POMK: variants seen among roughly 807,000 people sequenced by gnomAD.
POMK encodes the protein protein O-mannose kinase.
POMK carries 19 observed loss-of-function variants against 23.0 expected under a neutral mutation model. The observed-to-expected ratio is 0.83, with a 90% confidence interval of 0.58 to 1.21. POMK has a LOEUF of 1.21. Ranked by LOEUF, POMK falls within the 50% of genes most tolerant of loss-of-function variation. The pLI is 0.00. For synonymous variants in POMK, 173 were observed against 171.6 expected (o/e 1.01, Z -0.06); for missense variants, 410 against 431.3 (o/e 0.95, Z 0.44).
chr8:43,101,122 G>T (rs893316226), intron 2 of POMK, among the ~76,000 whole-genome samples: 10 of 152,012 alleles, frequency 6.6e-5, no homozygotes, highest in African/African-American at 2.4e-4. Flanking sequence ...CCGTGGAGGG[G>T]ATAAAAATAA....
chr8:43,109,969 A>G (rs1473516446), intron 4 of POMK, among the ~76,000 whole-genome samples: 1 of 152,262 alleles, frequency 6.6e-6, no homozygotes, highest in Non-Finnish European at 1.5e-5. Flanking sequence ...GAAAAACTGC[A>G]TAACGTGACT....
intron 2 of POMK, among the ~76,000 whole-genome samples, chr8:43,101,937 A>G (rs1811452842): frequency 6.6e-6 from 1 of 152,016 alleles, no homozygotes; most frequent in Non-Finnish European, 1.5e-5. Flanking sequence ...TTGTTTTCTC[A>G]AGGAGGAGGT....
intron 1 of POMK, among the ~76,000 whole-genome samples, chr8:43,096,742 G>A (rs942427434): frequency 1.3e-5 from 2 of 152,210 alleles, no homozygotes; most frequent in Admixed American, 1.3e-4. Flanking sequence ...TATGCCTGGG[G>A]AGATGTATAC....
chr8:43,103,310 G>C (rs1190840196), intron 3 of POMK, among the ~76,000 whole-genome samples: 1 of 152,144 alleles, frequency 6.6e-6, no homozygotes, highest in Non-Finnish European at 1.5e-5. Flanking sequence ...CTAATCTAGA[G>C]GAACCCGCAT....
rs926673143 is a variant in POMK, at chr8:43,103,706, C to T, written c.158C>T (p.Thr53Ile). 1.1e-5 allele frequency: 18 copies of T among 1,614,068 alleles called. No homozygotes were observed. The highest frequency in any genetic ancestry group is 3.3e-4 in the Middle Eastern group (2 of 6,084). ...IAPRQSTVDP[T>I]HCPYGHFRIG... ...CCTCGACAATCCACTGTGGACCCCA[C>T]ACACTGTCCCTATGGTCACTTCAGG... The change falls in exon 4 of 5, where the codon ACA (threonine) becomes ATA (isoleucine). Residue 53 changes from threonine to isoleucine, a missense_variant. Physicochemically the swap from Thr to Ile is moderately conservative, Grantham distance 89. Coordinates refer to ENST00000331373, the MANE Select transcript of POMK (RefSeq NM_032237.5).
At position 43,103,623 on chromosome 8, in the gene POMK, G is replaced by A. The variant is rs955601620; in HGVS notation, c.75G>A (p.Leu25=). 2 of 1,613,830 alleles carry A rather than the reference G, an allele frequency of 1.2e-6. No individual in the cohort carries two copies. Among genetic ancestry groups the A allele is most frequent in the African/African-American group, 2.7e-5 (2 of 74,830 alleles). Reference sequence around the variant, plus strand: ...TGCCGCCAGCTGTTGGGCTGCTGCTGATCATGGCCCTGATGAATACTCTGC... The same window carrying A: ...TGCCGCCAGCTGTTGGGCTGCTGCTAATCATGGCCCTGATGAATACTCTGC... ...REVPPAVGLL[L]IMALMNTLLY... The change falls in exon 4 of 5, where the codon CTG becomes CTA. Residue 25 remains leucine, a synonymous_variant. Coordinates refer to ENST00000331373, the MANE Select transcript of POMK (RefSeq NM_032237.5).
intron 4 of POMK, among the ~76,000 whole-genome samples, chr8:43,118,897 C>T (rs1180592482): frequency 1.3e-5 from 2 of 152,230 alleles, no homozygotes; most frequent in African/African-American, 2.4e-5. Flanking sequence ...TCCGCCTCCA[C>T]GGTTCATGCC....
At chr8:43,101,837 C>A (rs1327297120) in intron 2 of POMK, among the ~76,000 whole-genome samples, 1 of 152,176 alleles carries the variant, frequency 6.6e-6, no homozygotes, top group Non-Finnish European at 1.5e-5. Flanking sequence ...CACTTTATGG[C>A]TGCAGTGTGT....
chr8:43,118,347 A>G (rs11988197), intron 4 of POMK, among the ~76,000 whole-genome samples: 7,371 of 152,210 alleles, frequency 0.048, 360 homozygotes, highest in African/African-American at 0.12. Flanking sequence ...AGCAAACCCA[A>G]ATGCTGTTTT....
intron 4 of POMK, among the ~76,000 whole-genome samples, chr8:43,117,119 G>A (rs1811817250): frequency 6.6e-6 from 1 of 152,134 alleles, no homozygotes; most frequent in African/African-American, 2.4e-5. Flanking sequence ...CTTTTGTGGT[G>A]GAATATCATC....
chr8:43,121,721 C>A (rs1811919851), intron 4 of POMK, among the ~76,000 whole-genome samples: 1 of 152,188 alleles, frequency 6.6e-6, no homozygotes, highest in African/African-American at 2.4e-5. Context: ...GCCACTCCTC[C>A]CTGCCATGCA....
chr8:43,113,172 T>G lies in POMK; in HGVS notation c.283-8935T>G, dbSNP rs370315291. 5.8e-3 allele frequency among the ~76,000 whole-genome samples: 887 copies of G among 151,760 alleles called. 11 individuals carry two copies. The highest frequency in any genetic ancestry group is 0.021 in the African/African-American group (841 of 41,020). On this transcript the variant is annotated intron_variant, in intron 4 of 4. Transcript: ENST00000331373. ...AAAGTTGGCCTGCCTTGCTAGATTG[T>G]GGAAGTTCTCCTGGATAATATCCTG...
intron 4 of POMK, among the ~76,000 whole-genome samples, chr8:43,113,682 C>T (rs891944193): frequency 7.2e-5 from 11 of 152,184 alleles, no homozygotes; most frequent in African/African-American, 1.4e-4. Context: ...GGAGGAGAGA[C>T]GCTCTGCTTT....
At chr8:43,110,371 G>A (rs1811626939) in intron 4 of POMK, among the ~76,000 whole-genome samples, 1 of 152,194 alleles carries the variant, frequency 6.6e-6, no homozygotes, top group African/African-American at 2.4e-5. Flanking sequence ...CATGTCTCAG[G>A]CCTTACCTAG....
At chr8:43,101,523 G>A (rs1811440800) in intron 2 of POMK, among the ~76,000 whole-genome samples, 1 of 151,780 alleles carries the variant, frequency 6.6e-6, no homozygotes, top group Non-Finnish European at 1.5e-5. Context: ...AAGCCATGTA[G>A]AACTGAGTGT....
At chr8:43,117,538 C>T (rs1009845784) in intron 4 of POMK, among the ~76,000 whole-genome samples, 4 of 152,044 alleles carry the variant, frequency 2.6e-5, no homozygotes, top group African/African-American at 7.3e-5. Context: ...GCAGTTCAAA[C>T]CCGTGTTGTT....
chr8:43,113,038 C>G (rs550645275), intron 4 of POMK, among the ~76,000 whole-genome samples: 10 of 152,294 alleles, frequency 6.6e-5, no homozygotes, highest in African/African-American at 1.9e-4. Flanking sequence ...ACATCATAAT[C>G]ACAGGATCAA....
In POMK at chr8:43,122,181, C is replaced by T; in HGVS notation, c.357C>T (p.Phe119=). Residue 119 remains phenylalanine (F), a synonymous_variant, in exon 5 of 5, where the codon TTC becomes TTT. Transcript: ENST00000331373. ...CCAGCCTGGAGATGAAAGATGATTT[C>T]CTCCATGGACTGCAGATGCTGAAAT... The part of the protein sequence containing the change: ...QLTSLEMKDD[F]LHGLQMLKSL... 6.2e-7 allele frequency: 1 copy of T among 1,614,176 alleles called. No homozygotes were observed.
chr8:43,101,300 C>T (rs2130598160), intron 2 of POMK, among the ~76,000 whole-genome samples: 1 of 151,758 alleles, frequency 6.6e-6, no homozygotes, highest in South Asian at 2.1e-4. Flanking sequence ...GTGATGCGCA[C>T]CTGTAGTCCC....
Sources: gnomAD v4.1 joint callset for allele counts (sites outside exome capture counted in the v4.1 genomes callset) on GRCh38, gnomAD v4.1.1 for gene constraint, MANE v1.5 for transcripts, NCBI Gene and HGNC (gene_info 2026-07-23, HGNC 2026-07-21) for gene names.